The following FBXL7 variants were observed in gnomAD, a reference collection of about 807,000 sequenced individuals.
The protein encoded by FBXL7 is F-box and leucine rich repeat protein 7.
Under a neutral mutation model 38.3 loss-of-function variants are expected in FBXL7, and 12 were observed. The ratio of observed to expected loss-of-function variants is 0.31; its 90% CI spans 0.20 to 0.51. The LOEUF is 0.51. FBXL7 is among the 20% of genes least tolerant of loss of function. The probability of loss-of-function intolerance (pLI) is 0.98; values close to 1 mark genes in which losing one functional copy is unlikely to be tolerated. For synonymous variants in FBXL7, 297 were observed against 300.9 expected, an observed-to-expected ratio of 0.99 and a Z score of 0.13; for missense variants, 567 against 676.4, an observed-to-expected ratio of 0.84 and a Z score of 1.79.
Position 15,739,949 on chromosome 5 carries a change from T to G in FBXL7, c.127+123877T>G, listed in dbSNP as rs369594468. Among the ~76,000 whole-genome samples, 22 of 152,262 alleles carry G rather than the reference T, an allele frequency of 1.4e-4. 1 individual carries two copies. The East Asian group carries it at 2.3e-3, about 16-fold the overall frequency. On this transcript the variant is annotated intron_variant, in intron 2 of 3. Transcript: ENST00000504595. ...GTGTGATAACTCTTATATTTGTCTT[T>G]TTGAGGAACTGCCCGACTATTCACC...
intron 2 of FBXL7, among the ~76,000 whole-genome samples, chr5:15,757,861 G>A (rs1262939628): frequency 6.6e-6 from 1 of 152,132 alleles, no homozygotes; most frequent in Non-Finnish European, 1.5e-5. Flanking sequence ...CGTCAAGCAG[G>A]CTCAGTCAGC....
chr5:15,818,743 TGAGAGAGAGA>T (rs201462691), intron 2 of FBXL7, among the ~76,000 whole-genome samples: 71 of 39,564 alleles, frequency 1.8e-3, no homozygotes, highest in African/African-American at 4.9e-3. Context: ...TGTGTGTGTG[TGAGAGAGAGA>T]GAGATTTAAA....
At chr5:15,648,636 A>G (rs1741612119) in intron 2 of FBXL7, among the ~76,000 whole-genome samples, 1 of 152,230 alleles carries the variant, frequency 6.6e-6, no homozygotes, top group Non-Finnish European at 1.5e-5. Context: ...CATTGCTGCA[A>G]GATAAAGTCT....
chr5:15,752,302 G>C (rs1171174852), intron 2 of FBXL7, among the ~76,000 whole-genome samples: 2 of 141,476 alleles, frequency 1.4e-5, no homozygotes, highest in African/African-American at 5.1e-5. Context: ...CAGGGAAGGG[G>C]TTAGAGGCTT....
At chr5:15,930,235 T>C (rs1742003290) in intron 3 of FBXL7, among the ~76,000 whole-genome samples, 2 of 152,134 alleles carry the variant, frequency 1.3e-5, no homozygotes, top group African/African-American at 4.8e-5. Context: ...AGAGAAAATG[T>C]TGTGATGTGG....
intron 2 of FBXL7, among the ~76,000 whole-genome samples, chr5:15,848,304 T>TA (rs148747683): frequency 0.045 from 6,716 of 149,230 alleles, 454 homozygotes; most frequent in African/African-American, 0.15. Flanking sequence ...CTACCTTTCT[T>TA]AAAAAAAAAA....
At chr5:15,609,801 G>A (rs928469794) in intron 1 of FBXL7, among the ~76,000 whole-genome samples, 17 of 152,324 alleles carry the variant, frequency 1.1e-4, no homozygotes, top group African/African-American at 4.1e-4. Flanking sequence ...CTTGAGGGCA[G>A]GTGCTATGCA....
At chr5:15,832,059 A>G (rs890147281) in intron 2 of FBXL7, among the ~76,000 whole-genome samples, 1 of 152,150 alleles carries the variant, frequency 6.6e-6, no homozygotes, top group Non-Finnish European at 1.5e-5. Flanking sequence ...TAAATACTTT[A>G]TTTAGACTCT....
chr5:15,553,897 T>C (rs1318219067), intron 1 of FBXL7, among the ~76,000 whole-genome samples: 1 of 152,190 alleles, frequency 6.6e-6, no homozygotes, highest in African/African-American at 2.4e-5. Flanking sequence ...TCTTCCTCAG[T>C]GGGTGGGACT....
At chr5:15,514,463 G>T (rs1350614179) in intron 1 of FBXL7, among the ~76,000 whole-genome samples, 6 of 152,136 alleles carry the variant, frequency 3.9e-5, no homozygotes, top group African/African-American at 1.4e-4. Flanking sequence ...GAAATACTGA[G>T]TAGAATTATG....
chr5:15,759,257 C>T (rs754991327), intron 2 of FBXL7, among the ~76,000 whole-genome samples: 1 of 152,112 alleles, frequency 6.6e-6, no homozygotes, highest in Non-Finnish European at 1.5e-5. Context: ...TTTAAAGACT[C>T]TTTAAATGAA....
At chr5:15,636,579 G>A (rs1428755307) in intron 2 of FBXL7, among the ~76,000 whole-genome samples, 1 of 152,044 alleles carries the variant, frequency 6.6e-6, no homozygotes, top group East Asian at 1.9e-4. Context: ...ATTAAAGCAG[G>A]GAATCATTTA....
chr5:15,686,795 G>T (rs1035817044), intron 2 of FBXL7, among the ~76,000 whole-genome samples: 1 of 152,152 alleles, frequency 6.6e-6, no homozygotes, highest in Admixed American at 6.6e-5. Context: ...GAAGGAAAAT[G>T]TACCAGAAAT....
chr5:15,696,967 A>C (rs1743358168), intron 2 of FBXL7, among the ~76,000 whole-genome samples: 1 of 152,132 alleles, frequency 6.6e-6, no homozygotes, highest in African/African-American at 2.4e-5. Flanking sequence ...TCATCATGTA[A>C]AGGTTTGCTT....
rs1226275029 is a variant in FBXL7, at chr5:15,939,104, G to C, written c.*1918G>C. 2.5e-6 allele frequency: 1 copy of C among 398,902 alleles called. No homozygotes were observed. Among genetic ancestry groups the C allele is most frequent in the African/African-American group, 2.1e-5 (1 of 48,618 alleles). The allele number at this position is 398,902 out of a possible 1,614,324, so 24.7% of individuals were successfully genotyped here. A position where few individuals can be genotyped will look rare whatever the true frequency, so the allele number is the denominator to read the frequency against. Reference sequence around the variant, plus strand: ...GGAGAGGTTAGTGTGATGAGGTGGTGTCTGCCCAGGAGGTTTCTTTCAAAC... The same window carrying C: ...GGAGAGGTTAGTGTGATGAGGTGGTCTCTGCCCAGGAGGTTTCTTTCAAAC... On this transcript the variant is annotated 3_prime_UTR_variant, in exon 4 of 4. Transcript: ENST00000504595.
intron 1 of FBXL7, among the ~76,000 whole-genome samples, chr5:15,548,195 A>G (rs1737970690): frequency 6.6e-6 from 1 of 152,202 alleles, no homozygotes; most frequent in Non-Finnish European, 1.5e-5. Flanking sequence ...AATGAGATCA[A>G]AAGCCCTCCG....
intron 2 of FBXL7, among the ~76,000 whole-genome samples, chr5:15,759,547 A>G (rs951173764): frequency 6.6e-6 from 1 of 152,198 alleles, no homozygotes; most frequent in African/African-American, 2.4e-5. Flanking sequence ...CACTGAAATT[A>G]TGCTTTGTAA....
intron 1 of FBXL7, among the ~76,000 whole-genome samples, chr5:15,560,705 C>G (rs1738385717): frequency 6.6e-6 from 1 of 152,126 alleles, no homozygotes; most frequent in Non-Finnish European, 1.5e-5. Flanking sequence ...TTTCAACTTC[C>G]CTCTGTTCTT....
intron 1 of FBXL7, among the ~76,000 whole-genome samples, chr5:15,587,521 G>A (rs1012848192): frequency 1.1e-4 from 16 of 152,094 alleles, no homozygotes; most frequent in African/African-American, 3.4e-4. Context: ...GTGGGAATCC[G>A]GTTTCCTTTG....
Sources: allele counts gnomAD v4.1 joint callset (sites outside exome capture counted in the v4.1 genomes callset), GRCh38; gene constraint gnomAD v4.1.1; transcripts MANE v1.5; gene names NCBI Gene and HGNC (gene_info 2026-07-23, HGNC 2026-07-21).